Variants in MCF2L2 observed in about 807,000 individuals in gnomAD.
MCF2L2 encodes probable guanine nucleotide exchange factor MCF2L2.
In MCF2L2, 102 loss-of-function variants were observed where a neutral mutation model predicts 150.2. The ratio of observed to expected loss-of-function variants is 0.68; its 90% CI spans 0.58 to 0.80. MCF2L2 has a LOEUF of 0.80. Ranked by LOEUF, MCF2L2 falls within the 30% of genes least tolerant of loss-of-function variation. MCF2L2 has a pLI of 0.00. For synonymous variants in MCF2L2, 465 were observed against 491.3 expected (o/e 0.95, Z 0.71); for missense variants, 1,256 against 1,372.8 (o/e 0.91, Z 1.34).
At chr3:183,192,135 A>C in intron 27 of MCF2L2, among the ~76,000 whole-genome samples, 1 of 74,330 alleles carries the variant, frequency 1.3e-5, no homozygotes, top group African/African-American at 3.5e-5. Flanking sequence ...AGGCATGAGT[A>C]TTTTATTTAT....
Position 183,220,579 on chromosome 3 carries a change from T to A in MCF2L2, c.2302-655A>T, listed in dbSNP as rs969360992. Among the ~76,000 whole-genome samples the A allele has an allele frequency of 2.6e-5, 4 of 152,342 alleles. No homozygotes were observed. The South Asian group carries it at 6.2e-4, about 24-fold the overall frequency. The stretch of plus-strand genomic sequence containing the variant: ...TAAATTCCTAGAGTGGAATTGTAAA[T>A]GTTAAGAGTTTTGAGGCATATTTCC... On this transcript the variant is annotated intron_variant, in intron 20 of 29. Transcript: ENST00000328913.
At chr3:183,407,136 G>A (rs557378012) in intron 1 of MCF2L2, among the ~76,000 whole-genome samples, 45 of 152,264 alleles carry the variant, frequency 3.0e-4, no homozygotes, top group African/African-American at 1.1e-3. Context: ...CCACTGAACT[G>A]CCTTTATACC....
At chr3:183,216,409 TTTC>T (rs1035070291) in intron 21 of MCF2L2, among the ~76,000 whole-genome samples, 4 of 142,762 alleles carry the variant, frequency 2.8e-5, no homozygotes, top group African/African-American at 1.0e-4. Flanking sequence ...ATTCTATATG[TTTC>T]TTATGTGTAT....
chr3:183,382,216 G>A (rs987520392), intron 2 of MCF2L2, among the ~76,000 whole-genome samples: 2 of 151,820 alleles, frequency 1.3e-5, no homozygotes, highest in East Asian at 1.9e-4. Flanking sequence ...ATGCCACCAC[G>A]CCCAGCTAAT....
intron 15 of MCF2L2, among the ~76,000 whole-genome samples, chr3:183,261,885 G>C (rs1032120734): frequency 3.4e-5 from 5 of 149,212 alleles, no homozygotes; most frequent in African/African-American, 1.2e-4. Context: ...ATTCTAGATT[G>C]GTGTTTTTCA....
intron 14 of MCF2L2, among the ~76,000 whole-genome samples, chr3:183,285,127 T>C (rs1477252744): frequency 6.6e-6 from 1 of 152,210 alleles, no homozygotes; most frequent in African/African-American, 2.4e-5. Context: ...AAGACCTGAA[T>C]CTGACCTTCT....
chr3:183,406,209 T>C (rs1423472177), intron 1 of MCF2L2, among the ~76,000 whole-genome samples: 1 of 152,206 alleles, frequency 6.6e-6, no homozygotes, highest in Admixed American at 6.5e-5. Context: ...CTACCAACAG[T>C]GCGTGTAAGA....
At chr3:183,310,539 T>A in intron 9 of MCF2L2, 1 of 279,576 alleles carries the variant, frequency 3.6e-6, no homozygotes, top group African/African-American at 2.3e-5. Context: ...GGGGCATGCC[T>A]GTAATTCCAG....
At chr3:183,241,166 T>G (rs923045625) in intron 15 of MCF2L2, among the ~76,000 whole-genome samples, 1 of 152,178 alleles carries the variant, frequency 6.6e-6, no homozygotes, top group Non-Finnish European at 1.5e-5. Flanking sequence ...CAACTCTGTG[T>G]TGAGTGAAGT....
chr3:183,258,803 G>A (rs1725319527), intron 15 of MCF2L2, among the ~76,000 whole-genome samples: 1 of 152,106 alleles, frequency 6.6e-6, no homozygotes. Flanking sequence ...GCAGAGGCAT[G>A]TAGCCTTGAG....
chr3:183,208,313 G>A (rs1381336204), intron 22 of MCF2L2, among the ~76,000 whole-genome samples: 2 of 152,238 alleles, frequency 1.3e-5, no homozygotes, highest in Non-Finnish European at 2.9e-5. Context: ...CTGAGAAAAT[G>A]AAGCTTGTTC....
chr3:183,277,952 AG>A (rs1727254439), intron 14 of MCF2L2, among the ~76,000 whole-genome samples: 1 of 148,928 alleles, frequency 6.7e-6, no homozygotes, highest in Admixed American at 6.8e-5. Context: ...TAGGAGGCTG[AG>A]GTCAGTGGAT....
At chr3:183,218,486 T>A (rs1211722020) in intron 21 of MCF2L2, among the ~76,000 whole-genome samples, 1 of 151,782 alleles carries the variant, frequency 6.6e-6, no homozygotes, top group African/African-American at 2.4e-5. Context: ...AAAACAAAAA[T>A]TAGCCGGGCG....
chr3:183,345,549 A>G (rs961480587), intron 3 of MCF2L2, among the ~76,000 whole-genome samples: 1 of 152,248 alleles, frequency 6.6e-6, no homozygotes, highest in Non-Finnish European at 1.5e-5. Context: ...AGTTAGCAGA[A>G]GACAAGAAAT....
chr3:183,300,178 G>A lies in MCF2L2; in HGVS notation c.1132C>T (p.Gln378Ter), dbSNP rs2108497407. The A allele has an allele frequency of 6.2e-7, 1 of 1,603,132 alleles. No individual in the cohort carries two copies. Reference protein sequence around the residue: ...EKSQEPLEKAQLLALVGDQLI... With the variant: ...EKSQEPLEKA ...TGGTCCCCAACCAGTGCCAGCAGCT[G>A]GGCCTTTTCCAGGGGCTCCTGCAAA... The change falls in exon 11 of 30, where the codon CAG becomes TAG. Residue 378 changes from glutamine to a stop codon, truncating the protein, a stop_gained. Coordinates refer to ENST00000328913, the MANE Select transcript of MCF2L2 (RefSeq NM_015078.4). LOFTEE classifies it high-confidence loss of function.
chr3:183,226,976 G>A (rs1045243330), intron 18 of MCF2L2: 82 of 152,336 alleles, frequency 5.4e-4, no homozygotes, highest in African/African-American at 2.0e-3. Flanking sequence ...TCTGAGCATG[G>A]AAGATTCCTT....
At chr3:183,348,527 G>C (rs893506158) in intron 3 of MCF2L2, among the ~76,000 whole-genome samples, 2 of 151,946 alleles carry the variant, frequency 1.3e-5, no homozygotes, top group Non-Finnish European at 2.9e-5. Flanking sequence ...GAACAAACCC[G>C]CTCATTCTGC....
At chr3:183,309,071 C>T (rs76908463) in intron 10 of MCF2L2, among the ~76,000 whole-genome samples, 4,051 of 152,264 alleles carry the variant, frequency 0.027, 174 homozygotes, top group African/African-American at 0.092. Flanking sequence ...TTTCTAAATG[C>T]TGACTTGTGT....
At chr3:183,383,887 A>C (rs1427990749) in intron 2 of MCF2L2, among the ~76,000 whole-genome samples, 1 of 152,164 alleles carries the variant, frequency 6.6e-6, no homozygotes, top group Non-Finnish European at 1.5e-5. Flanking sequence ...AGTTTGTTCA[A>C]ATGACTGTGA....
Sources: allele counts gnomAD v4.1 joint callset (sites outside exome capture counted in the v4.1 genomes callset), GRCh38; gene constraint gnomAD v4.1.1; transcripts MANE v1.5; gene names NCBI Gene and HGNC (gene_info 2026-07-23, HGNC 2026-07-21).